The following GRID2 variants were observed in gnomAD, a reference collection of about 807,000 sequenced individuals.
GRID2 encodes the protein glutamate ionotropic receptor delta type subunit 2.
Under a neutral mutation model 114.8 loss-of-function variants are expected in GRID2, and 33 were observed. The ratio of observed to expected loss-of-function variants is 0.29; its 90% CI spans 0.22 to 0.38. The LOEUF (loss-of-function observed/expected upper bound fraction) is 0.38, where lower values mean the gene tolerates loss of function less well. Ranked by LOEUF, GRID2 falls within the 10% of genes least tolerant of loss-of-function variation. The pLI, the probability that GRID2 is intolerant of heterozygous loss-of-function variation, is 1.00. For missense variants in GRID2, 1,184 were observed against 1,257.7 expected (o/e 0.94, Z 0.89); for synonymous variants, 505 against 449.9 (o/e 1.12, Z -1.55).
rs1462568688 is a variant in GRID2 at position 92,569,512 on chromosome 4, G to C, written c.89-20619G>C. ...CAGTAGTGAGAGTGTTGGGTTAAAT[G>C]GTATTTCTGTCTCTAGGTCTTTGAG... On this transcript the variant is annotated intron_variant, in intron 1 of 15. Transcript: ENST00000282020. Among the ~76,000 whole-genome samples the C allele has an allele frequency of 2.0e-5, 3 of 152,016 alleles. No individual in the cohort carries two copies. The East Asian group carries it at 5.8e-4, about 29-fold the overall frequency.
intron 2 of GRID2, among the ~76,000 whole-genome samples, chr4:92,657,078 G>T (rs1479325): frequency 0.38 from 58,071 of 151,074 alleles, 11,508 homozygotes; most frequent in African/African-American, 0.46. Flanking sequence ...TTTTACTGTT[G>T]CTTTCAAATA....
chr4:92,574,014 G>A (rs995258810), intron 1 of GRID2, among the ~76,000 whole-genome samples: 2 of 152,138 alleles, frequency 1.3e-5, no homozygotes, highest in African/African-American at 4.8e-5. Flanking sequence ...ATATATTTAA[G>A]ATAGTTAGCT....
intron 2 of GRID2, among the ~76,000 whole-genome samples, chr4:92,721,283 A>C (rs1735797066): frequency 6.6e-6 from 1 of 152,128 alleles, no homozygotes; most frequent in South Asian, 2.1e-4. Flanking sequence ...TACACCTAAA[A>C]GTGGTTAAAA....
intron 4 of GRID2, among the ~76,000 whole-genome samples, chr4:93,148,661 C>T (rs569122582): frequency 6.6e-6 from 1 of 152,094 alleles, no homozygotes; most frequent in South Asian, 2.1e-4. Flanking sequence ...GTAATAATAA[C>T]ATGTATAAAT....
At chr4:93,264,709 G>GATATATATATATATATATATATAT (rs70942961) in intron 8 of GRID2, among the ~76,000 whole-genome samples, 10 of 132,918 alleles carry the variant, frequency 7.5e-5, no homozygotes, top group African/African-American at 2.4e-4. Flanking sequence ...AGTTTTGAAT[G>GATATATATATATATATATATATAT]ATATATATAT....
At chr4:93,201,161 T>C (rs1373079875) in intron 4 of GRID2, among the ~76,000 whole-genome samples, 3 of 152,202 alleles carry the variant, frequency 2.0e-5, no homozygotes, top group African/African-American at 7.2e-5. Flanking sequence ...ATAGTATATA[T>C]TAATATGATT....
intron 1 of GRID2, among the ~76,000 whole-genome samples, chr4:92,307,627 A>G (rs1489456747): frequency 6.6e-6 from 1 of 152,190 alleles, no homozygotes; most frequent in African/African-American, 2.4e-5. Flanking sequence ...CACTACAGTG[A>G]TGAAACATAA....
At chr4:93,193,354 G>A (rs1741177007) in intron 4 of GRID2, among the ~76,000 whole-genome samples, 1 of 152,052 alleles carries the variant, frequency 6.6e-6, no homozygotes, top group African/African-American at 2.4e-5. Context: ...CACGTGTCAT[G>A]GGAGAGACCC....
intron 2 of GRID2, among the ~76,000 whole-genome samples, chr4:92,719,725 CA>C (rs1398837995): frequency 6.6e-6 from 1 of 151,580 alleles, no homozygotes; most frequent in Non-Finnish European, 1.5e-5. Flanking sequence ...ATGAGAACTA[CA>C]GGGGGGAGAA....
chr4:93,634,383 G>A (rs572556925), intron 14 of GRID2, among the ~76,000 whole-genome samples: 2 of 152,236 alleles, frequency 1.3e-5, no homozygotes, highest in South Asian at 2.1e-4. Context: ...AATAATATTA[G>A]TTGAGGGATT....
intron 11 of GRID2, among the ~76,000 whole-genome samples, chr4:93,484,925 A>G (rs772919247): frequency 6.6e-6 from 1 of 151,878 alleles, no homozygotes; most frequent in Non-Finnish European, 1.5e-5. Context: ...ATGTACATTC[A>G]TCTAGTGGGT....
At chr4:92,854,516 T>C (rs577253310) in intron 2 of GRID2, among the ~76,000 whole-genome samples, 1 of 151,764 alleles carries the variant, frequency 6.6e-6, no homozygotes, top group Non-Finnish European at 1.5e-5. Flanking sequence ...CTGCAATTTC[T>C]GGAGAGAAGT....
Position 93,118,477 on chromosome 4 carries a change from G to A in GRID2, c.735+7524G>A, listed in dbSNP as rs531210231. Among the ~76,000 whole-genome samples the A allele has an allele frequency of 6.6e-5, 10 of 152,242 alleles. No individual in the cohort carries two copies. The South Asian group carries it at 1.0e-3, about 16-fold the overall frequency. On this transcript the variant is annotated intron_variant, in intron 4 of 15. Coordinates refer to ENST00000282020, the MANE Select transcript of GRID2 (RefSeq NM_001510.4). ...ATTTCAGATTTGAAAAATATAATAT[G>A]TAATATTTTGTTGAATTCCAAATAT...
At chr4:93,792,760 G>C (rs930311614) in intron 1 of GRID2, among the ~76,000 whole-genome samples, 1 of 152,174 alleles carries the variant, frequency 6.6e-6, no homozygotes, top group Admixed American at 6.5e-5. Context: ...TGCAATTTTA[G>C]AGTCTATACA....
intron 13 of GRID2, among the ~76,000 whole-genome samples, chr4:93,573,718 C>A (rs1736145375): frequency 6.6e-6 from 1 of 152,052 alleles, no homozygotes; most frequent in South Asian, 2.1e-4. Context: ...CTCTAGTATG[C>A]TAATTGGGAA....
At chr4:93,724,080 A>G (rs973813424) in intron 14 of GRID2, among the ~76,000 whole-genome samples, 1 of 152,220 alleles carries the variant, frequency 6.6e-6, no homozygotes, top group East Asian at 1.9e-4. Context: ...TGAATGATGA[A>G]GACATTAAAC....
intron 2 of GRID2, among the ~76,000 whole-genome samples, chr4:92,674,617 G>A (rs1425257436): frequency 1.3e-5 from 2 of 152,088 alleles, no homozygotes; most frequent in African/African-American, 4.8e-5. Flanking sequence ...CCGCCTCCCA[G>A]GTTCAAGCAA....
chr4:92,528,841 A>AG, intron 1 of GRID2, among the ~76,000 whole-genome samples: 1 of 147,322 alleles, frequency 6.8e-6, no homozygotes, highest in East Asian at 2.0e-4. Flanking sequence ...AAAAAAAAAA[A>AG]GTCTTGCAGA....
At chr4:93,383,267 T>C (rs1196686025) in intron 8 of GRID2, among the ~76,000 whole-genome samples, 1 of 152,104 alleles carries the variant, frequency 6.6e-6, no homozygotes, top group Non-Finnish European at 1.5e-5. Context: ...GAAGCAGCAG[T>C]AAGCAATCAG....
Sources: gnomAD v4.1 joint callset for allele counts (sites outside exome capture counted in the v4.1 genomes callset) on GRCh38, gnomAD v4.1.1 for gene constraint, MANE v1.5 for transcripts, NCBI Gene and HGNC (gene_info 2026-07-23, HGNC 2026-07-21) for gene names.